Variants in MEIKIN observed in about 807,000 individuals in gnomAD.
MEIKIN encodes the protein meiosis-specific kinetochore protein.
chr5:131,877,509 AGTGT>A (rs1252360016), intron 9 of MEIKIN, among the ~76,000 whole-genome samples: 7 of 152,058 alleles, frequency 4.6e-5, no homozygotes. Context: ...CATTTGTGGC[AGTGT>A]GTGCCTGTAG....
At chr5:131,934,179 T>C (rs550687325) in intron 4 of MEIKIN, among the ~76,000 whole-genome samples, 1 of 151,960 alleles carries the variant, frequency 6.6e-6, no homozygotes, top group East Asian at 1.9e-4. Context: ...GCCAGGCTGG[T>C]CTTGAACTCC....
intron 9 of MEIKIN, among the ~76,000 whole-genome samples, chr5:131,856,307 T>A (rs542010697): frequency 6.6e-6 from 1 of 152,278 alleles, no homozygotes; most frequent in African/African-American, 2.4e-5. Flanking sequence ...ACTATTATCA[T>A]CATCATTGTG....
chr5:131,854,560 G>C (rs541030680), intron 10 of MEIKIN, among the ~76,000 whole-genome samples, 194 bp downstream of exon 10: 3 of 152,082 alleles, frequency 2.0e-5, no homozygotes, highest in Non-Finnish European at 4.4e-5. Flanking sequence ...TGTTGCTGCA[G>C]TACTCTAATT....
At position 131,811,827 on chromosome 5, in the gene MEIKIN, C is replaced by T. The variant is rs1453208962; in HGVS notation, c.1100-4569G>A. Among the ~76,000 whole-genome samples the T allele has an allele frequency of 2.6e-5, 4 of 152,296 alleles. No homozygotes were observed. The South Asian group carries it at 8.3e-4, about 32-fold the overall frequency. On this transcript the variant is annotated intron_variant, in intron 12 of 12. Coordinates refer to ENST00000442687, the MANE Select transcript of MEIKIN (RefSeq NM_001303622.2). ...TTCACCGTGTTAGCCAGGATGGTCT[C>T]GATCTCCTGACCCGCCTGGGCCTCC... is the stretch of plus-strand genomic sequence containing the variant.
chr5:131,943,894 G>A (rs573087075), intron 3 of MEIKIN, among the ~76,000 whole-genome samples: 1 of 152,244 alleles, frequency 6.6e-6, no homozygotes, highest in Admixed American at 6.5e-5. Flanking sequence ...GTGGCGAGCA[G>A]ATCACTTGAG....
rs1037683492 is a variant in MEIKIN, at chr5:131,830,904, T to C, written c.976-12041A>G. ...CCTACAAATCTGAGGAGGACTTTGGTTTTTTTTTTTTTAGACAGAGTCTCA... is the reference window on the plus strand; with the variant it reads ...CCTACAAATCTGAGGAGGACTTTGGCTTTTTTTTTTTTAGACAGAGTCTCA... On this transcript the variant is annotated intron_variant, in intron 11 of 12. Coordinates refer to ENST00000442687, the MANE Select transcript of MEIKIN (RefSeq NM_001303622.2). Among the ~76,000 whole-genome samples the C allele has an allele frequency of 2.2e-5, 3 of 135,090 alleles. No homozygotes were observed. In the East Asian group the frequency reaches 6.0e-4, roughly 27 times the overall value. 88.6% of individuals were successfully genotyped at this position (135,090 alleles called of 152,430 possible). A position where few individuals can be genotyped will look rare whatever the true frequency, so the allele number is the denominator to read the frequency against.
chr5:131,914,145 T>C (rs1239646741), intron 7 of MEIKIN, among the ~76,000 whole-genome samples: 1 of 152,168 alleles, frequency 6.6e-6, no homozygotes, highest in Non-Finnish European at 1.5e-5. Context: ...CTCGGGACTC[T>C]GCAGAGAGTC....
intron 4 of MEIKIN, among the ~76,000 whole-genome samples, chr5:131,939,385 A>T (rs1242767336): frequency 2.0e-5 from 3 of 148,242 alleles, no homozygotes; most frequent in Non-Finnish European, 4.5e-5. Context: ...TTTTTTTTTT[A>T]AGATCTGTTA....
At chr5:131,829,047 T>A (rs554661794) in intron 11 of MEIKIN, among the ~76,000 whole-genome samples, 44 of 152,084 alleles carry the variant, frequency 2.9e-4, no homozygotes, top group Non-Finnish European at 5.7e-4. Context: ...CTGAAGCACA[T>A]CATCATAAAA....
At chr5:131,887,702 T>A (rs1056295562) in intron 8 of MEIKIN, among the ~76,000 whole-genome samples, 2 of 152,074 alleles carry the variant, frequency 1.3e-5, no homozygotes, top group African/African-American at 4.8e-5. Flanking sequence ...TAAATTTGTT[T>A]TTTTTTTATT....
chr5:131,925,087 T>C (rs867567589), intron 5 of MEIKIN, among the ~76,000 whole-genome samples: 1 of 152,234 alleles, frequency 6.6e-6, no homozygotes, highest in Admixed American at 6.5e-5. Flanking sequence ...CTTTCCTCAT[T>C]GTGTATTCTT....
At chr5:131,875,365 G>C (rs1027699584) in intron 9 of MEIKIN, among the ~76,000 whole-genome samples, 2 of 152,124 alleles carry the variant, frequency 1.3e-5, no homozygotes, top group Admixed American at 6.5e-5. Context: ...GAAACAGAGA[G>C]CCAAATCATG....
At chr5:131,834,873 T>C (rs1184147061) in intron 11 of MEIKIN, among the ~76,000 whole-genome samples, 1 of 152,184 alleles carries the variant, frequency 6.6e-6, no homozygotes, top group East Asian at 1.9e-4. Context: ...GGAACCCCCA[T>C]CCTTTTTTCC....
chr5:131,945,346 C>A, intron 1 of MEIKIN, 54 bp downstream of exon 1: 1 of 399,020 alleles, frequency 2.5e-6, no homozygotes, highest in Non-Finnish European at 4.4e-6. Context: ...GCCCTCGGTC[C>A]CGTCCCGGAG....
At chr5:131,925,040 T>C (rs916182906) in intron 5 of MEIKIN, among the ~76,000 whole-genome samples, 5 of 152,230 alleles carry the variant, frequency 3.3e-5, no homozygotes, top group African/African-American at 1.2e-4. Flanking sequence ...TATGTGGATA[T>C]TCAGTTTTCC....
chr5:131,930,909 C>A (rs186003491), intron 5 of MEIKIN, among the ~76,000 whole-genome samples: 1 of 152,268 alleles, frequency 6.6e-6, no homozygotes. Context: ...TGTTGAGCAT[C>A]TTTTTAATGA....
At chr5:131,912,443 C>T in intron 7 of MEIKIN, among the ~76,000 whole-genome samples, 1 of 151,840 alleles carries the variant, frequency 6.6e-6, no homozygotes, top group East Asian at 1.9e-4. Flanking sequence ...CCAGTTCTAT[C>T]TAAATGTGTA....
intron 9 of MEIKIN, among the ~76,000 whole-genome samples, chr5:131,877,468 C>A (rs1320885077): frequency 1.3e-5 from 2 of 152,014 alleles, no homozygotes; most frequent in Non-Finnish European, 2.9e-5. Flanking sequence ...CATGTTGAAA[C>A]CCTGTCTCTA....
intron 8 of MEIKIN, among the ~76,000 whole-genome samples, chr5:131,895,627 G>A (rs981033290): frequency 6.6e-5 from 10 of 152,118 alleles, no homozygotes; most frequent in East Asian, 1.9e-4. Flanking sequence ...GAGGGTGTAT[G>A]TGTCCAGGAA....
Sources: allele counts gnomAD v4.1 joint callset (sites outside exome capture counted in the v4.1 genomes callset), GRCh38; gene constraint gnomAD v4.1.1; transcripts MANE v1.5; gene names NCBI Gene and HGNC (gene_info 2026-07-23, HGNC 2026-07-21).